The following RAD51D variants were observed in gnomAD, a reference collection of about 807,000 sequenced individuals.
RAD51D encodes the protein RAD51 paralog D.
RAD51D carries 38 observed loss-of-function variants against 44.1 expected under a neutral mutation model. The ratio of observed to expected loss-of-function variants is 0.86; its 90% CI spans 0.67 to 1.13. The LOEUF (loss-of-function observed/expected upper bound fraction) is 1.13. RAD51D is among the 50% of genes most tolerant of loss of function. The pLI is 0.00. For synonymous variants in RAD51D, 141 were observed against 166.6 expected (o/e 0.85, Z 1.18); for missense variants, 390 against 414.0 (o/e 0.94, Z 0.50).
Position 35,099,455 on chromosome 17 carries a change from G to T in RAD51D, c.*1498C>A. 5.0e-6 allele frequency: 1 copy of T among 200,036 alleles called. No homozygotes were observed. The allele number at this position is 200,036 out of a possible 1,614,324, so 12.4% of individuals were successfully genotyped here. A position where few individuals can be genotyped will look rare whatever the true frequency, so the allele number is the denominator to read the frequency against. ...AGCTTCATGTATTGCATCTTACTGTGGTTGCAGGAATGTGCCAATCACCCA... is the reference window on the plus strand; with the variant it reads ...AGCTTCATGTATTGCATCTTACTGTTGTTGCAGGAATGTGCCAATCACCCA... On this transcript the variant is annotated 3_prime_UTR_variant, in exon 10 of 10. Coordinates refer to ENST00000345365, the MANE Select transcript of RAD51D (RefSeq NM_002878.4).
chr17:35,104,658 A>T (rs949049851), intron 6 of RAD51D, among the ~76,000 whole-genome samples: 7 of 152,178 alleles, frequency 4.6e-5, no homozygotes, highest in Admixed American at 4.6e-4. Context: ...TGCCAGGATT[A>T]CAGGCATGAG....
intron 3 of RAD51D, among the ~76,000 whole-genome samples, chr17:35,115,798 A>C (rs2091729267): frequency 6.6e-6 from 1 of 151,524 alleles, no homozygotes; most frequent in Non-Finnish European, 1.5e-5. Flanking sequence ...TGAACCCTGG[A>C]GGCGGAGGTT....
At position 35,099,636 on chromosome 17, in the gene RAD51D, T is replaced by C. The variant is rs759507908; in HGVS notation, c.*1317A>G. 8 of 371,968 alleles carry C rather than the reference T, an allele frequency of 2.2e-5. No individual in the cohort carries two copies. The highest frequency in any genetic ancestry group is 4.2e-5 in the Non-Finnish European group (8 of 190,976). The allele number at this position is 371,968 out of a possible 1,614,324, so 23.0% of individuals were successfully genotyped here. ...CCAATCCTCCATGATTCTATCCCTG[T>C]TGCATTCATCACCTCTAAATGTCAT... On this transcript the variant is annotated 3_prime_UTR_variant, in exon 10 of 10. Transcript: ENST00000345365.
intron 3 of RAD51D, among the ~76,000 whole-genome samples, chr17:35,117,210 A>T (rs567238902): frequency 6.6e-6 from 1 of 152,202 alleles, no homozygotes; most frequent in African/African-American, 2.4e-5. Context: ...TGTATGTATC[A>T]TCTGCACATA....
In RAD51D at chr17:35,107,044, T is replaced by A. The variant is rs1597862615; in HGVS notation, c.424A>T (p.Thr142Ser). 6.2e-7 allele frequency: 1 copy of A among 1,614,142 alleles called. No individual in the cohort carries two copies. Residue 142 changes from threonine (T) to serine (S), a missense_variant, in exon 5 of 10, where the codon ACA becomes TCA. By Grantham distance (58) the Thr-to-Ser change is moderately conservative (BLOSUM62 1). Coordinates refer to ENST00000345365, the MANE Select transcript of RAD51D (RefSeq NM_002878.4). ...VLYVDSNGGL[T>S]ASRLLQLLQA... Reference sequence around the variant, plus strand: ...AGCAGCTGGAGGAGGCGGGAAGCTGTCAGCCCTCCATTGGAATCTACATAT... The same window carrying A: ...AGCAGCTGGAGGAGGCGGGAAGCTGACAGCCCTCCATTGGAATCTACATAT...
In RAD51D at chr17:35,103,328, CAGG is replaced by C. The variant is rs1230625396; in HGVS notation, c.668-7_668-5del. On this transcript the variant is annotated splice_polypyrimidine_tract_variant and splice_region_variant and intron_variant, in intron 7 of 9. Coordinates refer to ENST00000345365, the MANE Select transcript of RAD51D (RefSeq NM_002878.4). The surrounding 1 kb of genome is among the most constrained non-coding windows in gnomAD (Gnocchi z 4.1). ...AGCTGCATCATCAAGGCCAAGCCTG[CAGG>C]AGGAGGAGAAGCAGAGAGGGAGGGC... 2 of 1,612,164 alleles carry C rather than the reference CAGG, an allele frequency of 1.2e-6. No homozygotes were observed. The highest frequency in any genetic ancestry group is 1.7e-6 in the Non-Finnish European group (2 of 1,179,216).
rs1175928700 is a variant in RAD51D at position 35,103,923 on chromosome 17, CA to C, written c.577-380del. Among the ~76,000 whole-genome samples the C allele has an allele frequency of 1.3e-5, 2 of 152,220 alleles. No homozygotes were observed. The highest frequency in any genetic ancestry group is 3.9e-4 in the East Asian group (2 of 5,168). On this transcript the variant is annotated intron_variant, in intron 6 of 9. Coordinates refer to ENST00000345365, the MANE Select transcript of RAD51D (RefSeq NM_002878.4). The surrounding 1 kb of genome is among the most constrained non-coding windows in gnomAD (Gnocchi z 4.1). ...TGAAACCCCGTCTCCACTAAACATA[CA>C]AAAATTAGCTGGGCGTGGTGGTGCA... is the stretch of plus-strand genomic sequence containing the variant.
At chr17:35,104,576 G>A (rs2091577021) in intron 6 of RAD51D, among the ~76,000 whole-genome samples, 1 of 152,136 alleles carries the variant, frequency 6.6e-6, no homozygotes, top group Non-Finnish European at 1.5e-5. Context: ...GCAGAGACGG[G>A]GTTTTACCGT....
At chr17:35,105,168 A>T (rs1039894255) in intron 6 of RAD51D, among the ~76,000 whole-genome samples, 1 of 152,218 alleles carries the variant, frequency 6.6e-6, no homozygotes, top group Admixed American at 6.5e-5. Flanking sequence ...AACTTTGGTC[A>T]ACTCACTTCA....
At chr17:35,111,430 G>A (rs2091675240) in intron 3 of RAD51D, among the ~76,000 whole-genome samples, 1 of 151,844 alleles carries the variant, frequency 6.6e-6, no homozygotes, top group South Asian at 2.1e-4. Flanking sequence ...CAGGCATGGT[G>A]TCCCACACCT....
chr17:35,118,658 C>A lies in RAD51D; in HGVS notation c.145-39G>T, dbSNP rs7207508. On this transcript the variant is annotated intron_variant, in intron 2 of 9. Transcript: ENST00000345365. ...CCAGACTGCTCAGCAACAAATTGCC[C>A]GTAGAAGCTGGCATCCCAGGGTGTC... 9.9e-4 allele frequency: 1,508 copies of A among 1,516,528 alleles called. 9 individuals carry two copies. The African/African-American group carries it at 0.017, about 17-fold the overall frequency. The allele number at this position is 1,516,528 out of a possible 1,614,324, so 93.9% of individuals were successfully genotyped here. A position where few individuals can be genotyped will look rare whatever the true frequency, so the allele number is the denominator to read the frequency against.
chr17:35,119,455 G>A, intron 1 of RAD51D, 77 bp downstream of exon 1: 3 of 1,491,208 alleles, frequency 2.0e-6, no homozygotes, highest in Non-Finnish European at 2.8e-6. Flanking sequence ...GTATGCCAGG[G>A]CAGTGCGCCA....
rs921451713 is a variant in RAD51D at position 35,119,263 on chromosome 17, C to G, written c.83-91G>C. On this transcript the variant is annotated intron_variant, in intron 1 of 9. Transcript: ENST00000345365. ...TCATCTGTCAAATGGGGTGTCAATTCTACCCCCCGGCAGGCCGTCTCAGGA... is the reference window on the plus strand; with the variant it reads ...TCATCTGTCAAATGGGGTGTCAATTGTACCCCCCGGCAGGCCGTCTCAGGA... 54 of 1,246,062 alleles carry G rather than the reference C, an allele frequency of 4.3e-5. No homozygotes were observed. The African/African-American group carries it at 7.0e-4, about 16-fold the overall frequency. The allele number at this position is 1,246,062 out of a possible 1,614,324, so 77.2% of individuals were successfully genotyped here. A position where few individuals can be genotyped will look rare whatever the true frequency, so the allele number is the denominator to read the frequency against.
At position 35,103,065 on chromosome 17, in the gene RAD51D, C is replaced by CA. The variant is rs1291872511; in HGVS notation, c.738+188dup. ...AAAATGTAGAAACAAAACAAAACAACAAAAAAACAACAAGACGATTCCTGA... is the reference window on the plus strand; with the variant it reads ...AAAATGTAGAAACAAAACAAAACAACAAAAAAAACAACAAGACGATTCCTGA... On this transcript the variant is annotated intron_variant, in intron 8 of 9. Coordinates refer to ENST00000345365, the MANE Select transcript of RAD51D (RefSeq NM_002878.4). The surrounding 1 kb of genome is among the most constrained non-coding windows in gnomAD (Gnocchi z 4.1). 6.6e-6 allele frequency among the ~76,000 whole-genome samples: 1 copy of CA among 152,002 alleles called. No homozygotes were observed. Among genetic ancestry groups the CA allele is most frequent in the Non-Finnish European group, 1.5e-5 (1 of 67,996 alleles).
intron 8 of RAD51D, among the ~76,000 whole-genome samples, chr17:35,102,311 T>C (rs1440253820): frequency 6.6e-6 from 1 of 151,848 alleles, no homozygotes; most frequent in Non-Finnish European, 1.5e-5. Context: ...CACCTAGTTT[T>C]TGTATTTTTT....
At chr17:35,105,307 T>A (rs1437127966) in intron 6 of RAD51D, among the ~76,000 whole-genome samples, 1 of 152,086 alleles carries the variant, frequency 6.6e-6, no homozygotes, top group Non-Finnish European at 1.5e-5. Context: ...CATTTTTTTT[T>A]AAAGACGGGG....
In RAD51D at chr17:35,106,394, C is replaced by T. The variant is rs80116829; in HGVS notation, c.568G>A (p.Ala190Thr). Residue 190 changes from alanine (A) to threonine (T), a missense_variant, in exon 6 of 10, where the codon GCC becomes ACC. By Grantham distance (58) the Ala-to-Thr change is moderately conservative (BLOSUM62 0). Coordinates refer to ENST00000345365, the MANE Select transcript of RAD51D (RefSeq NM_002878.4). The stretch of plus-strand genomic sequence containing the variant: ...CAGAACAGCAGGCTCACCTGCTGGG[C>T]CACAGTGCCTCGGAGCTCCTGCAGC... ...DVLQELRGTV[A>T]QQVTGSSGTV... 447 of 1,612,928 alleles carry T rather than the reference C, an allele frequency of 2.8e-4. 1 individual carries two copies. The African/African-American group carries it at 5.4e-3, about 19-fold the overall frequency.
chr17:35,119,027 G>A (rs1438794406), intron 2 of RAD51D, 84 bp downstream of exon 2: 56 of 1,337,834 alleles, frequency 4.2e-5, no homozygotes, highest in Non-Finnish European at 5.9e-5. Context: ...TGGGATTACA[G>A]GCATGAGCCA....
chr17:35,106,155 A>C, intron 6 of RAD51D: 1 of 685,632 alleles, frequency 1.5e-6, no homozygotes, highest in Non-Finnish European at 2.7e-6. Context: ...CATAAATATG[A>C]CATGATCCTT....
Sources: allele counts gnomAD v4.1 joint callset (sites outside exome capture counted in the v4.1 genomes callset), GRCh38; gene constraint gnomAD v4.1.1; non-coding constraint Gnocchi (gnomAD v3.1); transcripts MANE v1.5; gene names NCBI Gene and HGNC (gene_info 2026-07-23, HGNC 2026-07-21).